The following TSPAN12 variants were observed in gnomAD, a reference collection of about 807,000 sequenced individuals.
TSPAN12 encodes the protein tetraspanin 12.
TSPAN12 carries 19 observed loss-of-function variants against 39.2 expected under a neutral mutation model. The ratio of observed to expected loss-of-function variants is 0.49; its 90% CI spans 0.34 to 0.71. TSPAN12 has a LOEUF of 0.71. TSPAN12 is among the 30% of genes least tolerant of loss of function. The pLI is 0.01. For missense variants in TSPAN12, 314 were observed against 359.9 expected, an observed-to-expected ratio of 0.87 and a Z score of 1.03; for synonymous variants, 119 against 124.8, an observed-to-expected ratio of 0.95 and a Z score of 0.31.
At chr7:120,798,632 T>A (rs898034887) in intron 7 of TSPAN12, among the ~76,000 whole-genome samples, 6 of 152,202 alleles carry the variant, frequency 3.9e-5, no homozygotes, top group Admixed American at 3.3e-4. Context: ...CCTTTTTATT[T>A]GGCAACTATT....
intron 4 of TSPAN12, among the ~76,000 whole-genome samples, chr7:120,830,651 G>C (rs1794373438): frequency 2.0e-5 from 3 of 151,998 alleles, no homozygotes; most frequent in Admixed American, 6.6e-5. Context: ...CAACAAAAAT[G>C]TTTTAAAGAT....
At chr7:120,801,701 T>C (rs891887145) in intron 7 of TSPAN12, among the ~76,000 whole-genome samples, 2 of 152,216 alleles carry the variant, frequency 1.3e-5, no homozygotes, top group African/African-American at 4.8e-5. Context: ...GCCTGTTTAC[T>C]TCCATTTATT....
intron 3 of TSPAN12, among the ~76,000 whole-genome samples, chr7:120,839,138 G>T (rs1045593231): frequency 3.3e-5 from 5 of 151,994 alleles, no homozygotes; most frequent in South Asian, 2.1e-4. Flanking sequence ...TAATACAAGT[G>T]GTAGCTTTCC....
intron 7 of TSPAN12, among the ~76,000 whole-genome samples, chr7:120,800,741 A>T (rs1327301932): frequency 2.1e-4 from 25 of 117,716 alleles, no homozygotes; most frequent in Admixed American, 5.9e-4. Context: ...AGTTTTCCTT[A>T]TCGTTTTTTT....
At chr7:120,817,106 G>A (rs1000191413) in intron 4 of TSPAN12, among the ~76,000 whole-genome samples, 1 of 152,110 alleles carries the variant, frequency 6.6e-6, no homozygotes, top group African/African-American at 2.4e-5. Context: ...AAGCGTGGTG[G>A]CTCAGGCCTG....
chr7:120,810,641 C>T, intron 5 of TSPAN12, 71 bp from the exon 6 acceptor site: 1 of 797,436 alleles, frequency 1.3e-6, no homozygotes. Context: ...CACACACACA[C>T]ACACACACAC....
intron 2 of TSPAN12, 133 bp from the exon 3 acceptor site, chr7:120,840,242 C>T (rs1290084267): frequency 7.8e-6 from 6 of 767,758 alleles, no homozygotes; most frequent in Admixed American, 2.0e-5. Context: ...TTGAAATTTA[C>T]TATTACTATA....
intron 6 of TSPAN12, among the ~76,000 whole-genome samples, 187 bp downstream of exon 6, chr7:120,810,276 A>C (rs564418778): frequency 3.3e-5 from 5 of 152,298 alleles, no homozygotes; most frequent in African/African-American, 1.2e-4. Flanking sequence ...AATGGTATAC[A>C]TGGGAAGAAA....
At chr7:120,801,431 A>C (rs1444359475) in intron 7 of TSPAN12, among the ~76,000 whole-genome samples, 1 of 152,242 alleles carries the variant, frequency 6.6e-6, no homozygotes, top group Non-Finnish European at 1.5e-5. Flanking sequence ...AACCCAACAC[A>C]TGGAACACAG....
At chr7:120,856,931 G>C in intron 1 of TSPAN12, 98 bp from the exon 2 acceptor site, 1 of 712,360 alleles carries the variant, frequency 1.4e-6, no homozygotes, top group South Asian at 1.5e-5. Context: ...AGGGTCCAGA[G>C]GGTCCCGAGG....
chr7:120,839,322 C>T (rs1306228603), intron 3 of TSPAN12, among the ~76,000 whole-genome samples: 1 of 152,160 alleles, frequency 6.6e-6, no homozygotes, highest in Non-Finnish European at 1.5e-5. Context: ...CGTTTCTTCT[C>T]CCTGACAATT....
intron 4 of TSPAN12, among the ~76,000 whole-genome samples, chr7:120,836,058 G>C (rs1458652536): frequency 2.0e-5 from 3 of 152,184 alleles, no homozygotes; most frequent in Non-Finnish European, 4.4e-5. Context: ...ACCTGTCTGA[G>C]CAGGAAGTTA....
intron 2 of TSPAN12, among the ~76,000 whole-genome samples, chr7:120,850,852 G>A (rs1244215499): frequency 4.6e-5 from 7 of 151,944 alleles, no homozygotes; most frequent in African/African-American, 1.7e-4. Flanking sequence ...ACCACACCCA[G>A]CTTATTTTTG....
rs1374894457 is a variant in TSPAN12, at chr7:120,838,758, A to G, written c.285+19T>C. The G allele has an allele frequency of 6.2e-7, 1 of 1,611,214 alleles. No homozygotes were observed. The highest frequency in any genetic ancestry group is 8.5e-7 in the Non-Finnish European group (1 of 1,177,880). ...GTTAATCTTTTTAACTATAATAAAG[A>G]GAAAATATAACATCATACCCATGCA... is the stretch of plus-strand genomic sequence containing the variant. On this transcript the variant is annotated intron_variant, in intron 4 of 7. Transcript: ENST00000222747.
chr7:120,856,747 GA>G lies in TSPAN12; in HGVS notation c.16del (p.Ser6ProfsTer2), dbSNP rs749965262. On this transcript the variant is annotated frameshift_variant, in exon 2 of 8. Transcript: ENST00000222747. LOFTEE classifies it high-confidence loss of function. ...GAGCAGGCAGCGCAGACACTTCACG[GA>G]ATCTTCTCTGGCCATTGTGAGCCCC... MAREDSVKCLRCLLYA... is the reference protein window; with the variant it reads MAREDXVKCLRCLLYA... 1 of 1,614,170 alleles carries G rather than the reference GA, an allele frequency of 6.2e-7. No homozygotes were observed. The highest frequency in any genetic ancestry group is 8.5e-7 in the Non-Finnish European group (1 of 1,180,036).
At position 120,839,564 on chromosome 7, in the gene TSPAN12, T is replaced by C. The variant is rs1460534985; in HGVS notation, c.149+463A>G. On this transcript the variant is annotated intron_variant, in intron 3 of 7. Transcript: ENST00000222747. The stretch of plus-strand genomic sequence containing the variant: ...ACAATTCAGATGTCATATAATACAA[T>C]CTCCATTCAGAGATGATGGAGTAAA... Among the ~76,000 whole-genome samples the C allele has an allele frequency of 3.3e-5, 5 of 152,152 alleles. No homozygotes were observed. The East Asian group carries it at 7.7e-4, about 23-fold the overall frequency.
intron 7 of TSPAN12, among the ~76,000 whole-genome samples, chr7:120,789,679 G>C (rs1793482196): frequency 6.6e-6 from 1 of 152,168 alleles, no homozygotes; most frequent in Admixed American, 6.5e-5. Context: ...TAGGCAGATA[G>C]TGAGGGTAAA....
chr7:120,838,485 G>A lies in TSPAN12; in HGVS notation c.285+292C>T, dbSNP rs1258075438. 3.3e-5 allele frequency among the ~76,000 whole-genome samples: 5 copies of A among 152,056 alleles called. No individual in the cohort carries two copies. In the East Asian group the frequency reaches 9.6e-4, roughly 29 times the overall value. On this transcript the variant is annotated intron_variant, in intron 4 of 7. Transcript: ENST00000222747. ...TGGCTTCTCAGTTCCAGTCCCAAGG[G>A]GCCTTTTTGAGTGCTAATAACTACA...
intron 4 of TSPAN12, among the ~76,000 whole-genome samples, chr7:120,829,212 T>C (rs1334592664): frequency 6.6e-6 from 1 of 152,198 alleles, no homozygotes; most frequent in East Asian, 1.9e-4. Flanking sequence ...AGCCTGAGCA[T>C]GTAACCTGAG....
Sources: gnomAD v4.1 joint callset for allele counts (sites outside exome capture counted in the v4.1 genomes callset) on GRCh38, gnomAD v4.1.1 for gene constraint, MANE v1.5 for transcripts, NCBI Gene and HGNC (gene_info 2026-07-23, HGNC 2026-07-21) for gene names.